KCNIP4: variants seen among roughly 807,000 people sequenced by gnomAD.
KCNIP4 encodes potassium voltage-gated channel interacting protein 4, also known as Kv channel-interacting protein 4.
A neutral mutation model predicts 34.0 loss-of-function variants in KCNIP4; 12 were observed. The ratio of observed to expected loss-of-function variants is 0.35; its 90% CI spans 0.23 to 0.57. The LOEUF (loss-of-function observed/expected upper bound fraction) is 0.57, where lower values mean the gene tolerates loss of function less well. KCNIP4 is among the 20% of genes least tolerant of loss of function. The pLI is 0.83. For synonymous variants in KCNIP4, 124 were observed against 102.2 expected, an observed-to-expected ratio of 1.21 and a Z score of -1.29; for missense variants, 238 against 311.7, an observed-to-expected ratio of 0.76 and a Z score of 1.78.
chr4:20,763,647 T>C (rs962498969), intron 3 of KCNIP4, among the ~76,000 whole-genome samples: 3 of 152,206 alleles, frequency 2.0e-5, no homozygotes, highest in Non-Finnish European at 4.4e-5. Context: ...GGAATATCTA[T>C]CCCTGTGGCA....
intron 1 of KCNIP4, among the ~76,000 whole-genome samples, chr4:21,603,977 T>C (rs1489491482): frequency 6.6e-6 from 1 of 152,134 alleles, no homozygotes; most frequent in Non-Finnish European, 1.5e-5. Context: ...CTTGTGATTT[T>C]AAGTTGAAAT....
chr4:21,155,284 T>C (rs1312154866), intron 1 of KCNIP4, among the ~76,000 whole-genome samples: 3 of 152,152 alleles, frequency 2.0e-5, no homozygotes, highest in Non-Finnish European at 4.4e-5. Flanking sequence ...GATAAATGAA[T>C]CCTAACTGAT....
At chr4:21,413,834 T>C (rs1188090879) in intron 1 of KCNIP4, among the ~76,000 whole-genome samples, 1 of 152,230 alleles carries the variant, frequency 6.6e-6, no homozygotes, top group Non-Finnish European at 1.5e-5. Context: ...ACTGTTGTAT[T>C]GCAGTCTGCA....
intron 1 of KCNIP4, among the ~76,000 whole-genome samples, chr4:20,981,476 CTT>C (rs1736056725): frequency 1.3e-5 from 2 of 152,164 alleles, no homozygotes; most frequent in Non-Finnish European, 2.9e-5. Context: ...CATTTATTCC[CTT>C]TCTCAACATT....
At chr4:21,623,378 C>T (rs1051331607) in intron 1 of KCNIP4, among the ~76,000 whole-genome samples, 9 of 152,216 alleles carry the variant, frequency 5.9e-5, no homozygotes, top group East Asian at 1.9e-4. Context: ...AGGAAAATGC[C>T]GTATTCATCT....
At chr4:20,976,439 C>A (rs1288082338) in intron 1 of KCNIP4, among the ~76,000 whole-genome samples, 1 of 152,120 alleles carries the variant, frequency 6.6e-6, no homozygotes, top group African/African-American at 2.4e-5. Context: ...GCTAGATATT[C>A]CACTTATATT....
At chr4:21,314,213 T>C (rs976952306) in intron 1 of KCNIP4, among the ~76,000 whole-genome samples, 37 of 152,202 alleles carry the variant, frequency 2.4e-4, no homozygotes, top group Admixed American at 3.9e-4. Flanking sequence ...TCTTCCATGC[T>C]TCAAATTTCT....
At chr4:20,853,185 C>A (rs1721213658) in intron 2 of KCNIP4, among the ~76,000 whole-genome samples, 1 of 152,102 alleles carries the variant, frequency 6.6e-6, no homozygotes, top group Admixed American at 6.6e-5. Context: ...ATAGAAAAAG[C>A]AAGACTAAGC....
intron 1 of KCNIP4, among the ~76,000 whole-genome samples, chr4:20,945,180 G>A (rs1270292714): frequency 1.3e-5 from 2 of 152,164 alleles, no homozygotes; most frequent in African/African-American, 4.8e-5. Flanking sequence ...AGAATAGCAG[G>A]TCCTACCCAG....
At chr4:21,079,063 A>C (rs1302299588) in intron 1 of KCNIP4, among the ~76,000 whole-genome samples, 2 of 152,054 alleles carry the variant, frequency 1.3e-5, no homozygotes, top group East Asian at 3.9e-4. Flanking sequence ...CCTTGTTTGA[A>C]AGTCACGTGC....
At chr4:21,561,543 G>T (rs920573045) in intron 1 of KCNIP4, among the ~76,000 whole-genome samples, 1 of 151,854 alleles carries the variant, frequency 6.6e-6, no homozygotes, top group Non-Finnish European at 1.5e-5. Flanking sequence ...CATAGGACTT[G>T]TCTTTTTACT....
At chr4:20,816,229 G>A (rs1030931243) in intron 3 of KCNIP4, among the ~76,000 whole-genome samples, 1 of 150,998 alleles carries the variant, frequency 6.6e-6, no homozygotes, top group Non-Finnish European at 1.5e-5. Context: ...ACTCCAGCCT[G>A]GGCAACAGAG....
Position 21,015,580 on chromosome 4 carries a change from ATAATATAATATAGTATATTGTAT to A in KCNIP4, c.62-132894_62-132872del, listed in dbSNP as rs1373396369. Among the ~76,000 whole-genome samples the A allele has an allele frequency of 8.6e-3, 773 of 89,418 alleles. 8 individuals carry two copies. Among genetic ancestry groups the A allele is most frequent in the African/African-American group, 0.039 (723 of 18,612 alleles). The allele number at this position is 89,418 out of a possible 152,430, so 58.7% of individuals were successfully genotyped here. On this transcript the variant is annotated intron_variant, in intron 1 of 8. Coordinates refer to ENST00000382152, the MANE Select transcript of KCNIP4 (RefSeq NM_025221.6). ...ATATAATATAGTATATTGTATTAAT[ATAATATAATATAGTATATTGTAT>A]TAATATAATATAATATAGTATATTG...
At chr4:21,539,666 C>A (rs925949292) in intron 1 of KCNIP4, among the ~76,000 whole-genome samples, 1 of 152,004 alleles carries the variant, frequency 6.6e-6, no homozygotes, top group Non-Finnish European at 1.5e-5. Context: ...TGTCAGATAC[C>A]ATTTTATATG....
At chr4:20,808,828 G>C in intron 3 of KCNIP4, among the ~76,000 whole-genome samples, 1 of 152,260 alleles carries the variant, frequency 6.6e-6, no homozygotes, top group Middle Eastern at 3.4e-3. Context: ...ACCATTTGGA[G>C]CCACTCTCCC....
intron 1 of KCNIP4, among the ~76,000 whole-genome samples, chr4:21,116,867 A>G (rs975403459): frequency 2.6e-5 from 4 of 152,210 alleles, no homozygotes; most frequent in Admixed American, 6.5e-5. Flanking sequence ...CCAGAAAAAT[A>G]TAATTCTATC....
At chr4:21,072,092 G>A (rs1044134266) in intron 1 of KCNIP4, among the ~76,000 whole-genome samples, 5 of 152,086 alleles carry the variant, frequency 3.3e-5, no homozygotes, top group East Asian at 1.9e-4. Context: ...GAATAGTGCC[G>A]CAATAAACAT....
At chr4:21,345,138 T>A (rs1247538989) in intron 1 of KCNIP4, among the ~76,000 whole-genome samples, 2 of 152,156 alleles carry the variant, frequency 1.3e-5, no homozygotes, top group Non-Finnish European at 2.9e-5. Context: ...CTGTGGCTTC[T>A]GTCTTGGGAG....
intron 1 of KCNIP4, among the ~76,000 whole-genome samples, chr4:21,744,905 T>C (rs561570450): frequency 1.3e-5 from 2 of 152,336 alleles, no homozygotes; most frequent in Admixed American, 6.5e-5. Context: ...CTATATTTTC[T>C]ACTATTTTGC....
Sources: gnomAD v4.1 joint callset for allele counts (sites outside exome capture counted in the v4.1 genomes callset) on GRCh38, gnomAD v4.1.1 for gene constraint, MANE v1.5 for transcripts, NCBI Gene and HGNC (gene_info 2026-07-23, HGNC 2026-07-21) for gene names.